The following UPP2 variants were observed in gnomAD, a reference collection of about 807,000 sequenced individuals.
The protein encoded by UPP2 is uridine phosphorylase 2, also known as UPase 2.
Under a neutral mutation model 26.7 loss-of-function variants are expected in UPP2, and 23 were observed. The observed-to-expected ratio is 0.86, with a 90% CI of 0.62 to 1.22. UPP2 has a LOEUF of 1.22. UPP2 is among the 50% of genes most tolerant of loss of function. The pLI is 0.00. For missense variants in UPP2, 387 were observed against 396.7 expected (o/e 0.98, Z 0.21); for synonymous variants, 127 against 141.3 (o/e 0.90, Z 0.72).
intron 2 of UPP2, 36 bp from the exon 3 acceptor site, chr2:158,115,065 T>G: frequency 6.4e-7 from 1 of 1,553,952 alleles, no homozygotes; most frequent in Non-Finnish European, 8.7e-7. Flanking sequence ...CTTATCCCAG[T>G]TACTATGGCA....
At chr2:158,101,824 G>A (rs1462405634), upstream of UPP2, 1 of 1,261,870 alleles carries the variant, frequency 7.9e-7, no homozygotes, top group Admixed American at 4.0e-5. Context: ...GTGCTGCTCT[G>A]AGAGCTGGGC....
intron 3 of UPP2, among the ~76,000 whole-genome samples, chr2:158,039,425 A>G (rs2105162611): frequency 6.6e-6 from 1 of 152,354 alleles, no homozygotes; most frequent in East Asian, 1.9e-4. Context: ...GCACTGTAGT[A>G]AGCATTATTT....
chr2:158,081,264 G>A (rs1195129809), intron 3 of UPP2, among the ~76,000 whole-genome samples: 3 of 152,126 alleles, frequency 2.0e-5, no homozygotes, highest in African/African-American at 4.8e-5. Flanking sequence ...AAAAATTAAG[G>A]TCACTTTAAA....
At chr2:158,053,517 C>G (rs1390465585) in intron 3 of UPP2, among the ~76,000 whole-genome samples, 1 of 152,130 alleles carries the variant, frequency 6.6e-6, no homozygotes, top group Non-Finnish European at 1.5e-5. Flanking sequence ...TTGTACAGGC[C>G]TAGCTCAGTA....
At chr2:158,063,177 C>T (rs890809486) in intron 3 of UPP2, among the ~76,000 whole-genome samples, 2 of 152,094 alleles carry the variant, frequency 1.3e-5, no homozygotes, top group African/African-American at 4.8e-5. Flanking sequence ...CTCATTTAGG[C>T]CCACATCACT....
intron 2 of UPP2, among the ~76,000 whole-genome samples, chr2:158,000,359 A>G (rs1683386571): frequency 6.6e-6 from 1 of 152,216 alleles, no homozygotes. Flanking sequence ...TTGGAAATAT[A>G]AATGAGAGAT....
intron 2 of UPP2, among the ~76,000 whole-genome samples, chr2:158,107,696 G>C (rs1348003865): frequency 6.6e-6 from 1 of 152,054 alleles, no homozygotes; most frequent in Admixed American, 6.6e-5. Context: ...AGAAGAAATA[G>C]ATCTATTATG....
intron 6 of UPP2, among the ~76,000 whole-genome samples, chr2:158,129,825 G>A (rs1683773550): frequency 6.6e-6 from 1 of 151,854 alleles, no homozygotes; most frequent in Admixed American, 6.6e-5. Context: ...GAACACAGTG[G>A]TATGACCACA....
chr2:158,022,856 T>C (rs1373034002), intron 3 of UPP2, among the ~76,000 whole-genome samples: 1 of 152,206 alleles, frequency 6.6e-6, no homozygotes, highest in African/African-American at 2.4e-5. Context: ...GAATATTCAG[T>C]ATGTGGCAGC....
chr2:158,103,009 T>C (rs149012775), intron 1 of UPP2, among the ~76,000 whole-genome samples: 25 of 152,244 alleles, frequency 1.6e-4, no homozygotes, highest in Admixed American at 1.6e-3. Context: ...AAAAGACTAT[T>C]CTATGTGTTA....
chr2:158,022,074 T>A lies in UPP2; in HGVS notation c.147+6188T>A, dbSNP rs1683759961. ...CAAATTGAGTCAATGAAGTATTTAGTAAAGTATTAGGAAGTATTTCCTAGA... is the reference window on the plus strand; with the variant it reads ...CAAATTGAGTCAATGAAGTATTTAGAAAAGTATTAGGAAGTATTTCCTAGA... On this transcript the variant is annotated intron_variant, in intron 3 of 9. Coordinates refer to the UPP2 transcript ENST00000605860. Among the ~76,000 whole-genome samples the A allele has an allele frequency of 4.6e-5, 7 of 151,868 alleles. No homozygotes were observed. The South Asian group carries it at 1.2e-3, about 27-fold the overall frequency.
At chr2:158,102,315 G>A (rs1334817065) in intron 1 of UPP2, among the ~76,000 whole-genome samples, 190 bp downstream of exon 1, 2 of 152,068 alleles carry the variant, frequency 1.3e-5, no homozygotes, top group African/African-American at 4.8e-5. Flanking sequence ...TTTACTCCTT[G>A]GTTTTGGGGG....
intron 6 of UPP2, among the ~76,000 whole-genome samples, chr2:158,134,353 C>T (rs768596100): frequency 3.4e-4 from 52 of 152,312 alleles, no homozygotes; most frequent in Middle Eastern, 6.8e-3. Flanking sequence ...TTGGGAATTA[C>T]GGCTAGTTCT....
At chr2:158,063,624 T>G (rs1682387895) in intron 3 of UPP2, among the ~76,000 whole-genome samples, 2 of 152,070 alleles carry the variant, frequency 1.3e-5, no homozygotes, top group Admixed American at 6.5e-5. Context: ...ATACTTTAAG[T>G]TCTGGGGTAC....
chr2:158,039,946 G>T (rs146116746), intron 3 of UPP2, among the ~76,000 whole-genome samples: 165 of 152,356 alleles, frequency 1.1e-3, no homozygotes, highest in South Asian at 4.3e-3. Context: ...CCATTTGCTT[G>T]TGTGCAGGGC....
intron 3 of UPP2, among the ~76,000 whole-genome samples, chr2:158,117,623 G>GATCTTCAC (rs1204204969): frequency 6.6e-6 from 1 of 151,922 alleles, no homozygotes; most frequent in Non-Finnish European, 1.5e-5. Context: ...GCCTCCCTCT[G>GATCTTCAC]ATCTTCACAG....
At chr2:158,029,717 A>G (rs528213201) in intron 3 of UPP2, among the ~76,000 whole-genome samples, 3 of 152,308 alleles carry the variant, frequency 2.0e-5, no homozygotes, top group South Asian at 2.1e-4. Context: ...AGACATAGAC[A>G]TAAAAATAGA....
intron 3 of UPP2, among the ~76,000 whole-genome samples, chr2:158,039,103 A>C (rs1684047642): frequency 6.6e-6 from 1 of 152,212 alleles, no homozygotes; most frequent in Non-Finnish European, 1.5e-5. Flanking sequence ...CGGCTATAGC[A>C]AAAATATTTG....
chr2:158,025,585 C>T (rs1227406351), intron 3 of UPP2, among the ~76,000 whole-genome samples: 2 of 152,230 alleles, frequency 1.3e-5, no homozygotes, highest in Admixed American at 6.5e-5. Flanking sequence ...CAGCCTGTGA[C>T]CTCAAGGACA....
Sources: allele counts gnomAD v4.1 joint callset (sites outside exome capture counted in the v4.1 genomes callset), GRCh38; gene constraint gnomAD v4.1.1; transcripts MANE v1.5; gene names NCBI Gene and HGNC (gene_info 2026-07-23, HGNC 2026-07-21).